TXNRD3: variants seen among roughly 807,000 people sequenced by gnomAD.
The protein encoded by TXNRD3 is TXNRD3 neighbor gene protein.
TXNRD3 carries 68 observed loss-of-function variants against 78.2 expected under a neutral mutation model. The ratio of observed to expected loss-of-function variants is 0.87; its 90% CI spans 0.72 to 1.06. The LOEUF (loss-of-function observed/expected upper bound fraction) is 1.06, where lower values mean the gene tolerates loss of function less well. TXNRD3 is among the 50% of genes least tolerant of loss of function. The probability of loss-of-function intolerance (pLI) is 0.00; values close to 1 mark genes in which losing one functional copy is unlikely to be tolerated. For synonymous variants in TXNRD3, 296 were observed against 300.1 expected (o/e 0.99, Z 0.14); for missense variants, 751 against 809.5 (o/e 0.93, Z 0.88).
intron 5 of TXNRD3, among the ~76,000 whole-genome samples, chr3:126,642,455 C>T (rs910240301): frequency 2.0e-5 from 3 of 152,208 alleles, no homozygotes; most frequent in Admixed American, 2.0e-4. Flanking sequence ...ATGTACTACA[C>T]CAAGGGTGAG....
Position 126,654,733 on chromosome 3 carries a change from G to A in TXNRD3, c.243+15C>T, listed in dbSNP as rs902686143. Reference sequence around the variant, plus strand: ...CCCGGTCGCGCGCGGTGGAACCGGCGAGGGCCGCGCCTACCCGAGTACTAT... The same window carrying A: ...CCCGGTCGCGCGCGGTGGAACCGGCAAGGGCCGCGCCTACCCGAGTACTAT... On this transcript the variant is annotated intron_variant, in intron 1 of 15. Transcript: ENST00000524230. 4 of 1,306,812 alleles carry A rather than the reference G, an allele frequency of 3.1e-6. No homozygotes were observed. Among genetic ancestry groups the A allele is most frequent in the African/African-American group, 3.1e-5 (2 of 64,868 alleles). 81.0% of individuals were successfully genotyped at this position (1,306,812 alleles called of 1,614,324 possible).
chr3:126,625,603 T>C (rs1042880949), intron 10 of TXNRD3, among the ~76,000 whole-genome samples: 3 of 152,090 alleles, frequency 2.0e-5, no homozygotes, highest in East Asian at 1.9e-4. Context: ...TGAATAGTGC[T>C]GCAATAAACA....
chr3:126,644,150 G>A, intron 4 of TXNRD3, 97 bp from the exon 5 acceptor site: 4 of 1,395,172 alleles, frequency 2.9e-6, no homozygotes, highest in Non-Finnish European at 3.9e-6. Context: ...GTTTTTGTGT[G>A]ACACACAATC....
intron 12 of TXNRD3, among the ~76,000 whole-genome samples, chr3:126,620,624 C>T (rs1368474655): frequency 2.0e-5 from 3 of 152,078 alleles, no homozygotes; most frequent in African/African-American, 7.2e-5. Flanking sequence ...TCAATATGGG[C>T]GATTGTTTTA....
At chr3:126,635,024 C>T (rs950349192) in intron 6 of TXNRD3, among the ~76,000 whole-genome samples, 5 of 152,126 alleles carry the variant, frequency 3.3e-5, no homozygotes, top group Admixed American at 6.6e-5. Context: ...CCAGAATAGT[C>T]GTTCTTCTTA....
chr3:126,633,832 C>A, intron 7 of TXNRD3, 77 bp downstream of exon 7: 1 of 1,263,298 alleles, frequency 7.9e-7, no homozygotes, highest in Non-Finnish European at 1.0e-6. Context: ...TAACATGCAA[C>A]ATGAAATTTT....
chr3:126,625,209 G>C (rs1172630069), intron 10 of TXNRD3: 1 of 151,108 alleles, frequency 6.6e-6, no homozygotes, highest in Non-Finnish European at 1.5e-5. Context: ...TAATGTGCAG[G>C]TTAGTTACAT....
At chr3:126,647,904 T>C (rs1933279304) in intron 1 of TXNRD3, among the ~76,000 whole-genome samples, 1 of 152,192 alleles carries the variant, frequency 6.6e-6, no homozygotes, top group Non-Finnish European at 1.5e-5. Context: ...AAAGGCATCC[T>C]AACTGGAAAA....
chr3:126,639,325 A>G (rs1209757993), intron 6 of TXNRD3, among the ~76,000 whole-genome samples: 2 of 151,752 alleles, frequency 1.3e-5, no homozygotes, highest in East Asian at 3.9e-4. Context: ...CTGTGATTCA[A>G]CTCTCTTGGT....
intron 10 of TXNRD3, among the ~76,000 whole-genome samples, chr3:126,623,766 CCT>C (rs1294228570): frequency 6.7e-6 from 1 of 148,728 alleles, no homozygotes; most frequent in Non-Finnish European, 1.5e-5. Flanking sequence ...ATGCTTCACC[CCT>C]AACACCAGGA....
intron 10 of TXNRD3, among the ~76,000 whole-genome samples, chr3:126,623,920 G>C (rs1264741142): frequency 7.0e-6 from 1 of 141,894 alleles, no homozygotes; most frequent in Non-Finnish European, 1.5e-5. Flanking sequence ...GTTTTTATTT[G>C]TAGATATGAA....
chr3:126,609,625 G>A (rs1474399329), intron 14 of TXNRD3, among the ~76,000 whole-genome samples: 1 of 152,210 alleles, frequency 6.6e-6, no homozygotes, highest in East Asian at 1.9e-4. Flanking sequence ...TAGGCATGTG[G>A]CCAGGGTAAA....
intron 2 of TXNRD3, 82 bp downstream of exon 2, chr3:126,647,154 G>A: frequency 8.9e-7 from 1 of 1,128,910 alleles, no homozygotes; most frequent in South Asian, 1.6e-5. Flanking sequence ...AGAGTAATCT[G>A]AATTGAACAA....
intron 12 of TXNRD3, among the ~76,000 whole-genome samples, chr3:126,617,312 C>T (rs1333606561): frequency 6.6e-6 from 1 of 152,172 alleles, no homozygotes; most frequent in Admixed American, 6.5e-5. Context: ...TAACTCCTTA[C>T]AGCATCAGGC....
chr3:126,640,309 G>A (rs1357292149), intron 6 of TXNRD3, among the ~76,000 whole-genome samples: 1 of 16,120 alleles, frequency 6.2e-5, no homozygotes, highest in South Asian at 1.3e-3. Flanking sequence ...GGGTTTCACC[G>A]TGTTAGCCAG....
At chr3:126,610,832 C>T (rs964122302) in intron 14 of TXNRD3, among the ~76,000 whole-genome samples, 1 of 151,982 alleles carries the variant, frequency 6.6e-6, no homozygotes, top group Non-Finnish European at 1.5e-5. Context: ...CTGAAAGCTA[C>T]CTTAGAAAGA....
chr3:126,635,906 AACACACACACATATAT>A (rs1559776826), intron 6 of TXNRD3, among the ~76,000 whole-genome samples: 1 of 151,980 alleles, frequency 6.6e-6, no homozygotes, highest in Non-Finnish European at 1.5e-5. Flanking sequence ...TATACACATA[AACACACACACATATAT>A]ACAAACACAC....
At chr3:126,647,140 G>C in intron 2 of TXNRD3, 96 bp downstream of exon 2, 1 of 966,494 alleles carries the variant, frequency 1.0e-6, no homozygotes, top group Non-Finnish European at 1.5e-6. Context: ...TTAACCCGAA[G>C]ACAAGAGTAA....
rs1354411856 is a variant in TXNRD3 at position 126,642,139 on chromosome 3, G to A, written c.605C>T (p.Thr202Ile). The change falls in exon 6 of 16, where the codon ACT becomes ATT. Residue 202 changes from threonine to isoleucine, a missense_variant. Transcript: ENST00000524230. ...AGGAATACAACCTACATTTACACAA[G>A]TGCCACCAAGACCTGAGGAAGAAAA... 20 of 1,534,976 alleles carry A rather than the reference G, an allele frequency of 1.3e-5. No homozygotes were observed. Among genetic ancestry groups the A allele is most frequent in the Non-Finnish European group, 1.5e-5 (17 of 1,146,464 alleles).
Sources: gnomAD v4.1 joint callset for allele counts (sites outside exome capture counted in the v4.1 genomes callset) on GRCh38, gnomAD v4.1.1 for gene constraint, MANE v1.5 for transcripts, NCBI Gene and HGNC (gene_info 2026-07-23, HGNC 2026-07-21) for gene names.